Variants in ZNF646 observed in about 807,000 individuals in gnomAD.
The protein encoded by ZNF646 is zinc finger protein 646.
ZNF646 carries 49 observed loss-of-function variants against 115.4 expected under a neutral mutation model. The observed-to-expected ratio is 0.42, with a 90% confidence interval of 0.34 to 0.54. ZNF646 has a LOEUF of 0.54. Ranked by LOEUF, ZNF646 falls within the 20% of genes least tolerant of loss-of-function variation. The probability of loss-of-function intolerance (pLI) is 0.04; values close to 1 mark genes in which losing one functional copy is unlikely to be tolerated. For missense variants in ZNF646, 2,269 were observed against 2,457.9 expected (o/e 0.92, Z 1.62); for synonymous variants, 933 against 939.0 (o/e 0.99, Z 0.12).
rs759245076 is a variant in ZNF646 at position 31,076,930 on chromosome 16, A to T, written c.606A>T (p.Pro202=). ...CCAGAGCCCCTCCTCTCCCCATCCCAGCCAGCAGCCTTCTTAGCAACTTGG... is the reference window on the plus strand; with the variant it reads ...CCAGAGCCCCTCCTCTCCCCATCCCTGCCAGCAGCCTTCTTAGCAACTTGG... The part of the protein sequence containing the change: ...NSARAPPLPI[P]ASSLLSNLEQ... Residue 202 remains proline, a synonymous_variant, in exon 2 of 3, where the codon CCA becomes CCT. Transcript: ENST00000300850. The T allele has an allele frequency of 3.7e-6, 6 of 1,614,104 alleles. No homozygotes were observed. The highest frequency in any genetic ancestry group is 5.1e-6 in the Non-Finnish European group (6 of 1,179,960).
chr16:31,077,907 G>C lies in ZNF646; in HGVS notation c.1583G>C (p.Gly528Ala). The change falls in exon 2 of 3, where the codon GGT becomes GCT. Residue 528 changes from glycine to alanine, a missense_variant. Coordinates refer to ENST00000300850, the MANE Select transcript of ZNF646 (RefSeq NM_014699.4). ...ARRSADIGAE[G>A]APSHLKVELP... ...CGAAGTGCAGACATCGGGGCTGAGGGTGCCCCCAGCCACCTCAAGGTAGAA... is the reference window on the plus strand; with the variant it reads ...CGAAGTGCAGACATCGGGGCTGAGGCTGCCCCCAGCCACCTCAAGGTAGAA... 1 of 1,613,692 alleles carries C rather than the reference G, an allele frequency of 6.2e-7. No homozygotes were observed. The highest frequency in any genetic ancestry group is 8.5e-7 in the Non-Finnish European group (1 of 1,180,014).
In ZNF646 at chr16:31,084,152, C is replaced by G. The variant is rs773320432; in HGVS notation, c.*1060C>G. 1 of 1,593,816 alleles carries G rather than the reference C, an allele frequency of 6.3e-7. No individual in the cohort carries two copies. Among genetic ancestry groups the G allele is most frequent in the South Asian group, 1.1e-5 (1 of 88,116 alleles). On this transcript the variant is annotated 3_prime_UTR_variant, in exon 3 of 3. Coordinates refer to ENST00000300850, the MANE Select transcript of ZNF646 (RefSeq NM_014699.4). ...GCCAGGCAGCTTCCAGGCTCAGCCT[C>G]GGGCTCTGGTTCCTCGGCGAAGTAG...
rs746553813 is a variant in ZNF646, at chr16:31,078,709, G to C, written c.2385G>C (p.Gln795His). 2.5e-6 allele frequency: 4 copies of C among 1,613,868 alleles called. No individual in the cohort carries two copies. The African/African-American group carries it at 5.3e-5, about 22-fold the overall frequency. ...CDSLTGVDED[Q>H]KPATGQPNSS... ...GCCTCACTGGGGTGGATGAAGACCA[G>C]AAGCCAGCCACTGGCCAACCCAACT... Residue 795 changes from glutamine to histidine, a missense_variant, in exon 2 of 3, where the codon CAG (glutamine) becomes CAC (histidine). Gln to His is a conservative substitution (Grantham distance 24). This residue lies in a region of ZNF646 where 852 missense variants were observed against 900.2 expected (regional missense o/e 0.95). Transcript: ENST00000300850.
rs1378592371 is a variant in ZNF646, at chr16:31,076,280, C to T, written c.-45C>T. The T allele has an allele frequency of 6.4e-7, 1 of 1,557,844 alleles. No homozygotes were observed. The highest frequency in any genetic ancestry group is 8.7e-7 in the Non-Finnish European group (1 of 1,147,944). ...CCTCCACCAGAGGAAGGTGCTGCCA[C>T]GTGTCTGCTCCTTCTGAACCTCCAG... On this transcript the variant is annotated 5_prime_UTR_variant, in exon 2 of 3. The change creates a new upstream start codon in the 5' untranslated region. Coordinates refer to ENST00000300850, the MANE Select transcript of ZNF646 (RefSeq NM_014699.4).
At chr16:31,074,082 G>C (rs974308486), upstream of ZNF646, 31 of 152,234 alleles carry the variant, frequency 2.0e-4, no homozygotes, top group African/African-American at 7.0e-4. Context: ...TGGGTTTCAC[G>C]AAGTTTTCTC....
chr16:31,079,220 A>G lies in ZNF646; in HGVS notation c.2896A>G (p.Thr966Ala). ...GCACATCTGTGGCTGCTGTGGTCAGACCTACGATGACCTGGGGAGCCTGGA... is the reference window on the plus strand; with the variant it reads ...GCACATCTGTGGCTGCTGTGGTCAGGCCTACGATGACCTGGGGAGCCTGGA... ...YGHICGCCGQ[T>A]YDDLGSLERH... The change falls in exon 2 of 3, where the codon ACC becomes GCC. Residue 966 changes from threonine to alanine, a missense_variant. Around this residue, in one of 5 missense-constraint regions of ZNF646, gnomAD observed 1,062 missense variants for 1,172.8 expected, o/e 0.91. Coordinates refer to ENST00000300850, the MANE Select transcript of ZNF646 (RefSeq NM_014699.4). The surrounding 1 kb of genome is among the most constrained non-coding windows in gnomAD (Gnocchi z 5.5). The G allele has an allele frequency of 6.2e-7, 1 of 1,613,608 alleles. No homozygotes were observed. The highest frequency in any genetic ancestry group is 8.5e-7 in the Non-Finnish European group (1 of 1,180,026).
chr16:31,080,204 C>A lies in ZNF646; in HGVS notation c.3880C>A (p.Arg1294=), dbSNP rs200007964. 6.2e-7 allele frequency: 1 copy of A among 1,608,946 alleles called. No homozygotes were observed. Among genetic ancestry groups the A allele is most frequent in the African/African-American group, 1.3e-5 (1 of 74,674 alleles). ...GGGTGGGGGCACCCGAAAGGCGACT[C>A]GGGAAGATCGGCCCTTCCGCTGTGG... ...RGGGGTRKAT[R]EDRPFRCGQC... Residue 1294 remains arginine (R), a synonymous_variant, in exon 2 of 3, where the codon CGG becomes AGG. Coordinates refer to ENST00000300850, the MANE Select transcript of ZNF646 (RefSeq NM_014699.4).
In ZNF646 at chr16:31,078,315, G is replaced by A. The variant is rs142395653; in HGVS notation, c.1991G>A (p.Arg664His). 2.3e-5 allele frequency: 37 copies of A among 1,613,650 alleles called. No homozygotes were observed. In the African/African-American group the frequency reaches 2.7e-4, roughly 12 times the overall value. The change falls in exon 2 of 3, where the codon CGC (arginine) becomes CAC (histidine). Residue 664 changes from arginine to histidine, a missense_variant. Physicochemically the swap from Arg to His is conservative, Grantham distance 29 (BLOSUM62 0). This residue lies in a region of ZNF646 where 852 missense variants were observed against 900.2 expected (regional missense o/e 0.95). Transcript: ENST00000300850. ...HTMAAMKNHLRRHSRRRSRRH... is the reference protein window; with the variant it reads ...HTMAAMKNHLHRHSRRRSRRH... ...ATGGCTGCCATGAAGAACCACTTGCGCCGGCACAGTCGGCGGCGGAGCAGG... is the reference window on the plus strand; with the variant it reads ...ATGGCTGCCATGAAGAACCACTTGCACCGGCACAGTCGGCGGCGGAGCAGG...
intron 1 of ZNF646, among the ~76,000 whole-genome samples, chr16:31,075,235 C>T (rs1321053404): frequency 3.3e-5 from 5 of 152,108 alleles, no homozygotes; most frequent in Admixed American, 6.5e-5. Context: ...ATGTTATTCC[C>T]AAGATGGAAG....
chr16:31,082,049 C>G, intron 2 of ZNF646: 1 of 421,718 alleles, frequency 2.4e-6, no homozygotes, highest in Non-Finnish European at 4.3e-6. Flanking sequence ...TGGAAACCCT[C>G]CTGAGTCAGC....
At chr16:31,082,868 C>T in intron 2 of ZNF646, 103 bp from the exon 3 acceptor site, 2 of 1,461,358 alleles carry the variant, frequency 1.4e-6, no homozygotes, top group Non-Finnish European at 1.8e-6. Flanking sequence ...TCATCTGGGC[C>T]TCCGGGGCCA....
chr16:31,073,611 C>G (rs1432731137), upstream of ZNF646: 1 of 152,216 alleles, frequency 6.6e-6, no homozygotes, highest in African/African-American at 2.4e-5. Context: ...ATCGTGGCCG[C>G]GTGGGAGCTG....
rs200280714 is a variant in ZNF646, at chr16:31,078,861, G to T, written c.2537G>T (p.Gly846Val). Residue 846 changes from glycine to valine, a missense_variant, in exon 2 of 3, where the codon GGC becomes GTC. By Grantham distance (109) the Gly-to-Val change is moderately radical. Transcript: ENST00000300850. ...AGCCACAGGCCCTGCCACCCACCAG[G>T]CATCTATCAGTGCTCCCTCTGCCCG... ...LLSHRPCHPP[G>V]IYQCSLCPKE... 5.1e-4 allele frequency: 823 copies of T among 1,613,990 alleles called. 7 individuals are homozygous for T. The highest frequency in any genetic ancestry group is 2.0e-3 in the Middle Eastern group (12 of 6,062).
chr16:31,084,164 C>T lies in ZNF646; in HGVS notation c.*1072C>T, dbSNP rs1425589036. 4 of 1,600,798 alleles carry T rather than the reference C, an allele frequency of 2.5e-6. No homozygotes were observed. In the Admixed American group the frequency reaches 6.9e-5, roughly 28 times the overall value. On this transcript the variant is annotated 3_prime_UTR_variant, in exon 3 of 3. Transcript: ENST00000300850. ...CCAGGCTCAGCCTCGGGCTCTGGTTCCTCGGCGAAGTAGACCTGCCAGTCC... is the reference window on the plus strand; with the variant it reads ...CCAGGCTCAGCCTCGGGCTCTGGTTTCTCGGCGAAGTAGACCTGCCAGTCC...
At position 31,080,994 on chromosome 16, in the gene ZNF646, A is replaced by G. The variant is rs757117239; in HGVS notation, c.4670A>G (p.His1557Arg). The change falls in exon 2 of 3, where the codon CAC becomes CGC. Residue 1557 changes from histidine to arginine, a missense_variant. Physicochemically the swap from His to Arg is conservative, Grantham distance 29. Transcript: ENST00000300850. ...CACAACACCAACAAGACAGACCGAC[A>G]CTATTGCCTGCTCTGCTCCAAGGAG... is the stretch of plus-strand genomic sequence containing the variant. Reference protein sequence around the residue: ...LNHNTNKTDRHYCLLCSKEFL... With the variant: ...LNHNTNKTDRRYCLLCSKEFL... The G allele has an allele frequency of 6.2e-7, 1 of 1,614,068 alleles. No homozygotes were observed. Among genetic ancestry groups the G allele is most frequent in the Non-Finnish European group, 8.5e-7 (1 of 1,180,032 alleles).
upstream of ZNF646, chr16:31,073,885 C>T (rs547977452): frequency 6.6e-6 from 1 of 152,218 alleles, no homozygotes; most frequent in Non-Finnish European, 1.5e-5. Context: ...CAAGAGGTCT[C>T]TGTGTGTGCT....
chr16:31,076,156 C>G, intron 1 of ZNF646, 90 bp from the exon 2 acceptor site: 1 of 856,770 alleles, frequency 1.2e-6, no homozygotes, highest in Non-Finnish European at 1.7e-6. Context: ...TGGGGAACCT[C>G]TCAGTGACCT....
chr16:31,080,121 C>A lies in ZNF646; in HGVS notation c.3797C>A (p.Ala1266Asp), dbSNP rs773923316. 2 of 1,612,922 alleles carry A rather than the reference C, an allele frequency of 1.2e-6. No individual in the cohort carries two copies. Among genetic ancestry groups the A allele is most frequent in the Admixed American group, 3.3e-5 (2 of 59,990 alleles). Reference sequence around the variant, plus strand: ...TTCCGCTGCAGCGAGTGTGGGAAGGCCTTCCGCCTGCGGAAACAGCTGGCC... The same window carrying A: ...TTCCGCTGCAGCGAGTGTGGGAAGGACTTCCGCCTGCGGAAACAGCTGGCC... ...RRFRCSECGK[A>D]FRLRKQLASH... The change falls in exon 2 of 3, where the codon GCC (alanine) becomes GAC (aspartate). Residue 1266 changes from alanine to aspartate, a missense_variant. Around this residue, in one of 5 missense-constraint regions of ZNF646, gnomAD observed 1,062 missense variants for 1,172.8 expected, o/e 0.91. Coordinates refer to ENST00000300850, the MANE Select transcript of ZNF646 (RefSeq NM_014699.4).
chr16:31,074,334 AC>A (rs2057048173), upstream of ZNF646: 1 of 152,278 alleles, frequency 6.6e-6, no homozygotes, highest in Non-Finnish European at 1.5e-5. Flanking sequence ...TCTGCGTAAA[AC>A]TGCGGCTCGG....
Sources: allele counts gnomAD v4.1 joint callset (sites outside exome capture counted in the v4.1 genomes callset), GRCh38; gene constraint gnomAD v4.1.1; regional missense constraint gnomAD v4.1.1; non-coding constraint Gnocchi (gnomAD v3.1); transcripts MANE v1.5; gene names NCBI Gene and HGNC (gene_info 2026-07-23, HGNC 2026-07-21).